COL9A1: variants seen among roughly 807,000 people sequenced by gnomAD.
The protein encoded by COL9A1 is collagen type IX alpha 1 chain, also known as collagen alpha-1(IX) chain.
Under a neutral mutation model 142.6 loss-of-function variants are expected in COL9A1, and 104 were observed. That is an observed-to-expected ratio of 0.73 (90% confidence interval 0.62 to 0.86). The LOEUF (loss-of-function observed/expected upper bound fraction) is 0.86. Among genes scored for constraint, COL9A1 ranks in the 40% least tolerant of loss-of-function variants. The pLI, the probability that COL9A1 is intolerant of heterozygous loss-of-function variation, is 0.00. For synonymous variants in COL9A1, 466 were observed against 396.0 expected (o/e 1.18, Z -2.10); for missense variants, 1,210 against 1,176.6 (o/e 1.03, Z -0.42).
chr6:70,271,323 C>T (rs2127590500), intron 14 of COL9A1, among the ~76,000 whole-genome samples: 1 of 152,116 alleles, frequency 6.6e-6, no homozygotes, highest in East Asian at 1.9e-4. Context: ...TAATTTTAGG[C>T]TATTCACTTT....
chr6:70,297,139 A>C (rs941913950), intron 4 of COL9A1, among the ~76,000 whole-genome samples: 2 of 152,104 alleles, frequency 1.3e-5, no homozygotes, highest in African/African-American at 4.8e-5. Context: ...GATTATGTTA[A>C]AGGTAGGAAA....
At position 70,269,628 on chromosome 6, in the gene COL9A1, C is replaced by G. The variant is rs990543556; in HGVS notation, c.1230+5G>C. On this transcript the variant is annotated splice_donor_5th_base_variant and intron_variant, in intron 16 of 37. Coordinates refer to ENST00000357250, the MANE Select transcript of COL9A1 (RefSeq NM_001851.6). ...CTATATTTTGTTCAAAGGAAAGCAT[C>G]TTACCAATGGATCTCCATCATGAAA... 6.3e-7 allele frequency: 1 copy of G among 1,587,068 alleles called. No individual in the cohort carries two copies. Among genetic ancestry groups the G allele is most frequent in the Non-Finnish European group, 8.7e-7 (1 of 1,155,252 alleles).
In COL9A1 at chr6:70,263,285, C is replaced by G; in HGVS notation, c.1354G>C (p.Asp452His). Residue 452 changes from aspartate to histidine, a missense_variant, in exon 19 of 38, where the codon GAC becomes CAC. Coordinates refer to ENST00000357250, the MANE Select transcript of COL9A1 (RefSeq NM_001851.6). ...GRQGHKGEEG[D>H]QGELGEVGAQ... ...CCAACTTCTCCGAGTTCTCCCTGGT[C>G]ACCTTCTTCACCCTAAAGAAAAAAA... The G allele has an allele frequency of 6.2e-7, 1 of 1,609,366 alleles. No homozygotes were observed. Among genetic ancestry groups the G allele is most frequent in the Non-Finnish European group, 8.5e-7 (1 of 1,177,614 alleles).
At chr6:70,223,436 A>T (rs1052453934) in intron 37 of COL9A1, among the ~76,000 whole-genome samples, 1 of 152,210 alleles carries the variant, frequency 6.6e-6, no homozygotes, top group Non-Finnish European at 1.5e-5. Context: ...AAAATGCCCA[A>T]TATCATAAAG....
chr6:70,274,017 T>G (rs769722180), intron 12 of COL9A1, 30 bp downstream of exon 12: 9 of 1,444,886 alleles, frequency 6.2e-6, no homozygotes. Flanking sequence ...GATAGGAAAT[T>G]TTCAATTCTG....
chr6:70,292,933 C>T (rs535347230), intron 5 of COL9A1, among the ~76,000 whole-genome samples: 1 of 152,276 alleles, frequency 6.6e-6, no homozygotes, highest in Non-Finnish European at 1.5e-5. Context: ...CAAGAGTCTA[C>T]AAGCCAGAGC....
intron 16 of COL9A1, among the ~76,000 whole-genome samples, 167 bp from the exon 17 acceptor site, chr6:70,269,027 T>C (rs1772224716): frequency 6.6e-6 from 1 of 152,184 alleles, no homozygotes; most frequent in Non-Finnish European, 1.5e-5. Context: ...ATTATTATTA[T>C]TTCACATTTA....
chr6:70,275,875 C>T (rs990171559), intron 10 of COL9A1, among the ~76,000 whole-genome samples: 7 of 152,130 alleles, frequency 4.6e-5, no homozygotes, highest in African/African-American at 1.7e-4. Context: ...TATGAAAGCC[C>T]TACTTAAAAA....
At chr6:70,258,913 G>A (rs1299967092) in intron 20 of COL9A1, among the ~76,000 whole-genome samples, 1 of 151,918 alleles carries the variant, frequency 6.6e-6, no homozygotes, top group Admixed American at 6.6e-5. Flanking sequence ...TTTAAATCCA[G>A]AAAAAAATGA....
At chr6:70,226,304 G>A (rs1583206958) in intron 36 of COL9A1, among the ~76,000 whole-genome samples, 2 of 152,128 alleles carry the variant, frequency 1.3e-5, no homozygotes, top group South Asian at 4.2e-4. Flanking sequence ...TCCTAAACAC[G>A]AAAAATATAT....
intron 4 of COL9A1, among the ~76,000 whole-genome samples, chr6:70,299,589 C>T (rs1401658460): frequency 2.0e-5 from 3 of 152,010 alleles, no homozygotes; most frequent in Non-Finnish European, 4.4e-5. Context: ...TTTAGTTTTG[C>T]TTTGGTTTGA....
At chr6:70,248,573 G>A (rs1287254537) in intron 28 of COL9A1, among the ~76,000 whole-genome samples, 1 of 152,192 alleles carries the variant, frequency 6.6e-6, no homozygotes, top group African/African-American at 2.4e-5. Context: ...AAGAACAAAT[G>A]TGTCTTTCAG....
Position 70,247,301 on chromosome 6 carries a change from A to G in COL9A1, c.1873-4586T>C, listed in dbSNP as rs910574547. On this transcript the variant is annotated intron_variant, in intron 28 of 37. Transcript: ENST00000357250. ...CATACAGCTAAATAATTCAAGTTGG[A>G]GGTTTTCCTTTTAAAATGGAACTGT... Among the ~76,000 whole-genome samples, 56 of 152,222 alleles carry G rather than the reference A, an allele frequency of 3.7e-4. 1 individual carries two copies. The highest frequency in any genetic ancestry group is 5.0e-4 in the Non-Finnish European group (34 of 68,032).
At chr6:70,283,439 A>T (rs1298234124) in intron 6 of COL9A1, among the ~76,000 whole-genome samples, 1 of 152,194 alleles carries the variant, frequency 6.6e-6, no homozygotes, top group Non-Finnish European at 1.5e-5. Flanking sequence ...AGTAGAACTC[A>T]AGTGTTCTTG....
intron 11 of COL9A1, 151 bp downstream of exon 11, chr6:70,274,568 T>G: frequency 1.4e-6 from 1 of 712,730 alleles, no homozygotes; most frequent in South Asian, 1.5e-5. Flanking sequence ...CTGCATAGTA[T>G]TCCACATCAT....
chr6:70,300,110 C>CT lies in COL9A1; in HGVS notation c.231dup (p.Val78SerfsTer15), dbSNP rs1774004702. On this transcript the variant is annotated frameshift_variant, in exon 4 of 38. Transcript: ENST00000357250. LOFTEE classifies it high-confidence loss of function. The stretch of plus-strand genomic sequence containing the variant: ...GCCACCTGCAATGTAGCTGATCCCA[C>CT]TACTCTCTGGATAGCTCTTCTAGAT... 6.2e-7 allele frequency: 1 copy of CT among 1,613,836 alleles called. No individual in the cohort carries two copies. The highest frequency in any genetic ancestry group is 2.2e-5 in the East Asian group (1 of 44,858).
At chr6:70,277,357 CAACTT>C (rs1294677652) in intron 10 of COL9A1, among the ~76,000 whole-genome samples, 1 of 150,272 alleles carries the variant, frequency 6.7e-6, no homozygotes, top group African/African-American at 2.4e-5. Context: ...AAAAAAAAAT[CAACTT>C]AACCTGAAAA....
chr6:70,263,523 A>C (rs915832125), intron 18 of COL9A1, among the ~76,000 whole-genome samples: 4 of 152,066 alleles, frequency 2.6e-5, no homozygotes, highest in Non-Finnish European at 4.4e-5. Flanking sequence ...CCATTTAACT[A>C]TAAAATACCA....
intron 28 of COL9A1, among the ~76,000 whole-genome samples, chr6:70,251,030 C>T (rs749755051): frequency 1.3e-5 from 2 of 152,118 alleles, no homozygotes; most frequent in Non-Finnish European, 2.9e-5. Context: ...AACCTGTATA[C>T]GAATGTTCAT....
Sources: allele counts gnomAD v4.1 joint callset (sites outside exome capture counted in the v4.1 genomes callset), GRCh38; gene constraint gnomAD v4.1.1; transcripts MANE v1.5; gene names NCBI Gene and HGNC (gene_info 2026-07-23, HGNC 2026-07-21).